The following MYO9B variants were observed in gnomAD, a reference collection of about 807,000 sequenced individuals.
MYO9B encodes the protein unconventional myosin-IXb.
In MYO9B, 71 loss-of-function variants were observed where a neutral mutation model predicts 229.5. The ratio of observed to expected loss-of-function variants is 0.31; its 90% CI spans 0.26 to 0.38. The LOEUF (loss-of-function observed/expected upper bound fraction) is 0.38. MYO9B is among the 10% of genes least tolerant of loss of function. The pLI is 1.00. For missense variants in MYO9B, 2,255 were observed against 2,920.5 expected (o/e 0.77, Z 5.25); for synonymous variants, 1,185 against 1,235.8 (o/e 0.96, Z 0.86).
chr19:17,173,493 G>A (rs564441753), intron 13 of MYO9B, among the ~76,000 whole-genome samples: 5 of 151,998 alleles, frequency 3.3e-5, no homozygotes, highest in South Asian at 4.2e-4. Context: ...TAGTAGAGAC[G>A]GGGTTTCGCC....
At chr19:17,165,373 T>A (rs1377121102) in intron 10 of MYO9B, among the ~76,000 whole-genome samples, 9 of 150,690 alleles carry the variant, frequency 6.0e-5, no homozygotes, top group African/African-American at 2.2e-4. Flanking sequence ...AAAAAAAAAA[T>A]TAATTAATTT....
chr19:17,208,551 C>A (rs1011761280), intron 35 of MYO9B, among the ~76,000 whole-genome samples: 1 of 151,760 alleles, frequency 6.6e-6, no homozygotes, highest in South Asian at 2.1e-4. Flanking sequence ...CCTGACTCAG[C>A]CTCCCAAGTA....
chr19:17,196,963 A>T (rs149972991), intron 22 of MYO9B, among the ~76,000 whole-genome samples: 376 of 152,048 alleles, frequency 2.5e-3, no homozygotes, highest in African/African-American at 8.8e-3. Flanking sequence ...GATAGAGATG[A>T]TGGAGGGACG....
At chr19:17,197,443 G>GATAGATAC (rs1212389821) in intron 22 of MYO9B, among the ~76,000 whole-genome samples, 41 of 147,610 alleles carry the variant, frequency 2.8e-4, no homozygotes, top group South Asian at 6.3e-4. Flanking sequence ...TAGATAGATA[G>GATAGATAC]ATAGATACAT....
intron 5 of MYO9B, 27 bp from the exon 6 acceptor site, chr19:17,154,288 C>A (rs1300551829): frequency 6.2e-7 from 1 of 1,600,500 alleles, no homozygotes; most frequent in Non-Finnish European, 8.5e-7. Flanking sequence ...CAGGAATGCC[C>A]AGAGTACCCA....
At position 17,152,183 on chromosome 19, in the gene MYO9B, T is replaced by TCG. The variant is rs757287050; in HGVS notation, c.936-460_936-459insGC. Among the ~76,000 whole-genome samples, 259 of 84,060 alleles carry TCG rather than the reference T, an allele frequency of 3.1e-3. 6 individuals are homozygous for TCG. Among genetic ancestry groups the TCG allele is most frequent in the Middle Eastern group, 7.2e-3 (1 of 138 alleles). 55.1% of individuals were successfully genotyped at this position (84,060 alleles called of 152,430 possible). A position where few individuals can be genotyped will look rare whatever the true frequency, so the allele number is the denominator to read the frequency against. On this transcript the variant is annotated intron_variant, in intron 3 of 39. Coordinates refer to ENST00000682292, the MANE Select transcript of MYO9B (RefSeq NM_004145.4). ...GCCTGGGCAACAGAGTAAGACTCCA[T>TCG]CACAAAAAAAAAAAAAAACCCACAA...
At chr19:17,079,235 A>C (rs2123419780) in intron 1 of MYO9B, among the ~76,000 whole-genome samples, 1 of 152,274 alleles carries the variant, frequency 6.6e-6, no homozygotes, top group East Asian at 1.9e-4. Context: ...GCCCCTGAGG[A>C]ACTGCCACTA....
Position 17,207,078 on chromosome 19 carries a change from C to T in MYO9B, c.5493-35C>T, listed in dbSNP as rs368457147. 13 of 1,606,400 alleles carry T rather than the reference C, an allele frequency of 8.1e-6. No homozygotes were observed. In the Admixed American group the frequency reaches 1.7e-4, roughly 21 times the overall value. On this transcript the variant is annotated intron_variant, in intron 34 of 39. Coordinates refer to ENST00000682292, the MANE Select transcript of MYO9B (RefSeq NM_004145.4). ...GCTCCCTGGTACCTCCCTCCCTCGG[C>T]CCTAGCCATCCTCTAACTGCCAGTG...
intron 10 of MYO9B, among the ~76,000 whole-genome samples, chr19:17,164,177 G>C (rs2072634730): frequency 6.6e-6 from 1 of 152,086 alleles, no homozygotes; most frequent in South Asian, 2.1e-4. Context: ...GATCATTGGT[G>C]AACTTGCCCC....
chr19:17,152,575 AAAC>A (rs1308273707), intron 3 of MYO9B, 66 bp from the exon 4 acceptor site: 10 of 1,422,782 alleles, frequency 7.0e-6, no homozygotes, highest in African/African-American at 2.9e-5. Context: ...AAAAAAAAAA[AAAC>A]AACTCAATAT....
intron 11 of MYO9B, among the ~76,000 whole-genome samples, chr19:17,170,895 T>G (rs77711343): frequency 0.023 from 3,428 of 147,636 alleles, 61 homozygotes; most frequent in Non-Finnish European, 0.038. Context: ...ACCAGGAAAC[T>G]CCCAGGGTCA....
At chr19:17,114,952 C>T (rs1158717258) in intron 2 of MYO9B, among the ~76,000 whole-genome samples, 1 of 141,000 alleles carries the variant, frequency 7.1e-6, no homozygotes, top group African/African-American at 2.6e-5. Context: ...TAATAAAACA[C>T]TTCGTCTTTT....
chr19:17,114,924 CTTT>C (rs139596465), intron 2 of MYO9B, among the ~76,000 whole-genome samples: 17,483 of 137,596 alleles, frequency 0.13, 1,289 homozygotes, highest in Non-Finnish European at 0.18. Flanking sequence ...TGCTTTTCCC[CTTT>C]TTTTTTTTTT....
chr19:17,195,480 C>T lies in MYO9B; in HGVS notation c.4046+7C>T, dbSNP rs758562198. 2 of 1,585,126 alleles carry T rather than the reference C, an allele frequency of 1.3e-6. No individual in the cohort carries two copies. Among genetic ancestry groups the T allele is most frequent in the Non-Finnish European group, 8.5e-7 (1 of 1,172,330 alleles). ...CCGCCCTCACGCCCACAGAGTAAGC[C>T]CCACACCCTCTTTTGTCTGAGCACC... On this transcript the variant is annotated splice_region_variant and intron_variant, in intron 22 of 39. Coordinates refer to ENST00000682292, the MANE Select transcript of MYO9B (RefSeq NM_004145.4). This position sits in a 1 kb window ranked among gnomAD's most constrained non-coding sequence, Gnocchi z 4.5.
chr19:17,142,105 G>C (rs770176853), intron 2 of MYO9B, among the ~76,000 whole-genome samples: 1 of 151,592 alleles, frequency 6.6e-6, no homozygotes, highest in Non-Finnish European at 1.5e-5. Context: ...TTGAGGCCAC[G>C]AGGTCGAGGC....
chr19:17,133,474 T>G (rs2145183317), intron 2 of MYO9B, among the ~76,000 whole-genome samples: 1 of 152,264 alleles, frequency 6.6e-6, no homozygotes, highest in East Asian at 1.9e-4. Flanking sequence ...TCCGTTTTTT[T>G]GAGACAGGGT....
In MYO9B at chr19:17,200,306, A is replaced by C; in HGVS notation, c.4252A>C (p.Arg1418=). 6.2e-7 allele frequency: 1 copy of C among 1,609,970 alleles called. No individual in the cohort carries two copies. The highest frequency in any genetic ancestry group is 8.5e-7 in the Non-Finnish European group (1 of 1,178,928). ...SQVDSKSTFK[R]LFLHKTKDKK... The stretch of plus-strand genomic sequence containing the variant: ...TTTCTCCTGCAGATCCACGTTTAAG[A>C]GGCTTTTTCTGCATAAAACCAAGGA... The change falls in exon 25 of 40, where the codon AGG becomes CGG. Residue 1418 remains arginine (R), a synonymous_variant. Transcript: ENST00000682292.
At chr19:17,080,704 CA>C (rs1052904752) in intron 1 of MYO9B, among the ~76,000 whole-genome samples, 1 of 151,926 alleles carries the variant, frequency 6.6e-6, no homozygotes, top group Admixed American at 6.6e-5. Flanking sequence ...CCCATCTCTA[CA>C]AAAAAATACT....
intron 28 of MYO9B, 115 bp from the exon 29 acceptor site, chr19:17,202,727 C>T: frequency 1.9e-6 from 2 of 1,061,194 alleles, no homozygotes; most frequent in East Asian, 2.6e-5. Flanking sequence ...AATGATGCCA[C>T]TCCAGGTGAG....
Sources: gnomAD v4.1 joint callset for allele counts (sites outside exome capture counted in the v4.1 genomes callset) on GRCh38, gnomAD v4.1.1 for gene constraint, Gnocchi (gnomAD v3.1) non-coding constraint, MANE v1.5 for transcripts, NCBI Gene and HGNC (gene_info 2026-07-23, HGNC 2026-07-21) for gene names.